MLLT10: variants seen among roughly 807,000 people sequenced by gnomAD.
MLLT10 encodes MLLT10 histone lysine methyltransferase DOT1L cofactor, also known as protein AF-10.
Under a neutral mutation model 129.1 loss-of-function variants are expected in MLLT10, and 30 were observed. The ratio of observed to expected loss-of-function variants is 0.23; its 90% confidence interval spans 0.17 to 0.32. The LOEUF is 0.32. Among genes scored for constraint, MLLT10 ranks in the 10% least tolerant of loss-of-function variants. The probability of loss-of-function intolerance (pLI) is 1.00; values close to 1 mark genes in which losing one functional copy is unlikely to be tolerated. For missense variants in MLLT10, 1,119 were observed against 1,268.3 expected, an observed-to-expected ratio of 0.88 and a Z score of 1.79; for synonymous variants, 490 against 446.4, an observed-to-expected ratio of 1.10 and a Z score of -1.23.
Position 21,733,520 on chromosome 10 carries a change from C to A in MLLT10, c.2424C>A (p.Ser808=), listed in dbSNP as rs751097956. Residue 808 remains serine, a synonymous_variant, in exon 19 of 23, where the codon TCC becomes TCA. Transcript: ENST00000307729. ...TTATTCTAGCTCCTACTACTGATTC[C>A]TTGAACAGCAGTAAGAGCCCTCATA... The part of the protein sequence containing the change: ...FSAQTAPTTD[S]LNSSKSPHIG... The A allele has an allele frequency of 2.1e-5, 32 of 1,555,656 alleles. 1 individual carries two copies. In the South Asian group the frequency reaches 3.6e-4, roughly 17 times the overall value.
At chr10:21,656,660 T>G (rs1393585743) in intron 9 of MLLT10, among the ~76,000 whole-genome samples, 1 of 152,226 alleles carries the variant, frequency 6.6e-6, no homozygotes, top group Non-Finnish European at 1.5e-5. Flanking sequence ...GCAACAAGTA[T>G]CTACTTCAAT....
intron 8 of MLLT10, among the ~76,000 whole-genome samples, chr10:21,618,331 A>G (rs1290145552): frequency 6.6e-6 from 1 of 151,658 alleles, no homozygotes; most frequent in African/African-American, 2.4e-5. Flanking sequence ...CTGTGTCTCT[A>G]CTAAAAATAC....
intron 13 of MLLT10, among the ~76,000 whole-genome samples, chr10:21,712,368 C>T (rs1264568945): frequency 2.0e-5 from 3 of 152,266 alleles, no homozygotes; most frequent in Admixed American, 6.5e-5. Flanking sequence ...CATGTGCCAC[C>T]ATGCCTGGCT....
Position 21,595,458 on chromosome 10 carries a change from T to G in MLLT10, c.405+18T>G, listed in dbSNP as rs1420780631. 1.9e-6 allele frequency: 3 copies of G among 1,563,186 alleles called. No individual in the cohort carries two copies. The African/African-American group carries it at 4.1e-5, about 21-fold the overall frequency. On this transcript the variant is annotated intron_variant, in intron 5 of 22. Coordinates refer to ENST00000307729, the MANE Select transcript of MLLT10 (RefSeq NM_001195626.3). ...ATAATAAGGTACAGTGGATATTATT[T>G]TATTACTGTTTGAATATCACTACTG...
At chr10:21,621,283 TGC>T (rs2131228306) in intron 8 of MLLT10, among the ~76,000 whole-genome samples, 1 of 145,028 alleles carries the variant, frequency 6.9e-6, no homozygotes, top group East Asian at 2.1e-4. Context: ...CTCGCTCTGT[TGC>T]CTAGGCTGGA....
intron 14 of MLLT10, among the ~76,000 whole-genome samples, chr10:21,714,370 G>A (rs1169226219): frequency 6.6e-6 from 1 of 152,100 alleles, no homozygotes; most frequent in African/African-American, 2.4e-5. Flanking sequence ...GTAGGAGAAT[G>A]TAGGTTAAAA....
intron 3 of MLLT10, among the ~76,000 whole-genome samples, chr10:21,585,990 A>G (rs2041947168): frequency 6.6e-6 from 1 of 152,014 alleles, no homozygotes; most frequent in Admixed American, 6.6e-5. Context: ...CGAACTCCCG[A>G]CCTCAGCTAA....
At chr10:21,575,001 T>C (rs1229626669) in intron 3 of MLLT10, among the ~76,000 whole-genome samples, 2 of 152,104 alleles carry the variant, frequency 1.3e-5, no homozygotes, top group East Asian at 3.9e-4. Context: ...CCCCAGCCCC[T>C]GTTCAAGATA....
intron 4 of MLLT10, 69 bp downstream of exon 4, chr10:21,586,417 G>T (rs1401123552): frequency 9.7e-6 from 11 of 1,135,702 alleles, no homozygotes; most frequent in East Asian, 2.6e-5. Context: ...TCAAATATTT[G>T]GTAGTTTATT....
At chr10:21,642,296 G>A (rs1035086737) in intron 8 of MLLT10, among the ~76,000 whole-genome samples, 1 of 152,178 alleles carries the variant, frequency 6.6e-6, no homozygotes, top group Non-Finnish European at 1.5e-5. Context: ...AGGTTGCAGT[G>A]AGCTGAAATC....
At chr10:21,614,707 AT>A in intron 6 of MLLT10, 123 bp from the exon 7 acceptor site, 2 of 691,874 alleles carry the variant, frequency 2.9e-6, no homozygotes, top group Non-Finnish European at 4.6e-6. Flanking sequence ...TTATTTTCTC[AT>A]TTTTTTCTTA....
intron 3 of MLLT10, among the ~76,000 whole-genome samples, chr10:21,552,310 T>A (rs2037184712): frequency 6.6e-6 from 1 of 152,024 alleles, no homozygotes; most frequent in African/African-American, 2.4e-5. Flanking sequence ...TGATTAATAT[T>A]TGTTCTGTAT....
intron 8 of MLLT10, among the ~76,000 whole-genome samples, chr10:21,642,982 CT>C (rs2131299574): frequency 6.6e-6 from 1 of 152,212 alleles, no homozygotes; most frequent in East Asian, 1.9e-4. Flanking sequence ...GCTAGTATCC[CT>C]ATAGTCATTT....
rs768939187 is a variant in MLLT10 at position 21,733,038 on chromosome 10, A to G, written c.2358A>G (p.Thr786=). Residue 786 remains threonine (T), a synonymous_variant, in exon 18 of 23, where the codon ACA becomes ACG. Transcript: ENST00000307729. The stretch of plus-strand genomic sequence containing the variant: ...TTTCAGTGCCTTTTCCAACAATAAC[A>G]GCAAATCCTAGTCCGTCTCATCAAA... ...AQLSVPFPTI[T]ANPSPSHQIH... The G allele has an allele frequency of 6.2e-7, 1 of 1,613,850 alleles. No individual in the cohort carries two copies. Among genetic ancestry groups the G allele is most frequent in the South Asian group, 1.1e-5 (1 of 91,016 alleles).
rs1425180622 is a variant in MLLT10, at chr10:21,534,791, C to T, written c.147C>T (p.Val49=). ...ATTGCGACGGGCACGGCTGCAGCGTCGCGGTGCATCAAGGTAAACACCCAA... is the reference window on the plus strand; with the variant it reads ...ATTGCGACGGGCACGGCTGCAGCGTTGCGGTGCATCAAGGTAAACACCCAA... ...LVYCDGHGCS[V]AVHQACYGIV... is the part of the protein sequence containing the mutation. The change falls in exon 2 of 23, where the codon GTC becomes GTT. Residue 49 remains valine, a synonymous_variant. Transcript: ENST00000307729. 1.9e-6 allele frequency: 3 copies of T among 1,609,196 alleles called. No homozygotes were observed. The highest frequency in any genetic ancestry group is 8.5e-7 in the Non-Finnish European group (1 of 1,177,534).
chr10:21,575,691 ATTTGG>A (rs912335842), intron 3 of MLLT10, among the ~76,000 whole-genome samples: 2 of 151,960 alleles, frequency 1.3e-5, no homozygotes, highest in Admixed American at 6.6e-5. Flanking sequence ...TATTATTTTT[ATTTGG>A]TTTGGTTTTG....
At chr10:21,548,367 CTATCT>C (rs1177162243) in intron 3 of MLLT10, among the ~76,000 whole-genome samples, 1 of 150,148 alleles carries the variant, frequency 6.7e-6, no homozygotes, top group African/African-American at 2.4e-5. Flanking sequence ...TTCATATTTT[CTATCT>C]TATCTTTTTT....
In MLLT10 at chr10:21,612,410, A is replaced by G. The variant is rs199870875; in HGVS notation, c.468A>G (p.Thr156=). 2.2e-5 allele frequency: 35 copies of G among 1,613,276 alleles called. No individual in the cohort carries two copies. The highest frequency in any genetic ancestry group is 2.7e-5 in the African/African-American group (2 of 75,000). The change falls in exon 6 of 23, where the codon ACA becomes ACG. Residue 156 remains threonine, a synonymous_variant. Coordinates refer to ENST00000307729, the MANE Select transcript of MLLT10 (RefSeq NM_001195626.3). ...AAGCAGCCACTGGTGCTTGCATGAC[A>G]TGTAATAAACATGGATGTCGACAGG... ...ESKAATGACM[T]CNKHGCRQAF...
chr10:21,536,504 C>A (rs2034031794), intron 2 of MLLT10, among the ~76,000 whole-genome samples: 1 of 152,148 alleles, frequency 6.6e-6, no homozygotes, highest in African/African-American at 2.4e-5. Context: ...AGTTTTTGGG[C>A]AATGATGCTG....
Sources: gnomAD v4.1 joint callset for allele counts (sites outside exome capture counted in the v4.1 genomes callset) on GRCh38, gnomAD v4.1.1 for gene constraint, MANE v1.5 for transcripts, NCBI Gene and HGNC (gene_info 2026-07-23, HGNC 2026-07-21) for gene names.